The following ROBO2 variants were observed in gnomAD, a reference collection of about 807,000 sequenced individuals.
The protein encoded by ROBO2 is roundabout homolog 2.
A neutral mutation model predicts 160.8 loss-of-function variants in ROBO2; 53 were observed. The ratio of observed to expected loss-of-function variants is 0.33; its 90% CI spans 0.26 to 0.41. ROBO2 has a LOEUF of 0.41. ROBO2 is among the 10% of genes least tolerant of loss of function. The pLI is 1.00. For missense variants in ROBO2, 1,577 were observed against 1,722.4 expected (o/e 0.92, Z 1.49); for synonymous variants, 664 against 611.7 (o/e 1.09, Z -1.26).
At position 77,257,492 on chromosome 3, in the gene ROBO2, C is replaced by A. The variant is rs569656997; in HGVS notation, c.388+159152C>A. On this transcript the variant is annotated intron_variant, in intron 2 of 25. Transcript: ENST00000461745. ...GCGTTATGGACATGAGTAGGGAGCT[C>A]GCATGGTATTTCAAAAAGAGTGATT... Among the ~76,000 whole-genome samples, 24 of 152,158 alleles carry A rather than the reference C, an allele frequency of 1.6e-4. No homozygotes were observed. In the South Asian group the frequency reaches 4.2e-3, roughly 26 times the overall value.
intron 2 of ROBO2, among the ~76,000 whole-genome samples, chr3:76,973,423 T>G (rs1355022187): frequency 6.6e-6 from 1 of 152,118 alleles, no homozygotes; most frequent in African/African-American, 2.4e-5. Flanking sequence ...GAAATCATTA[T>G]AAAGTTCAAG....
At chr3:76,276,901 C>T (rs1377341201) in intron 2 of ROBO2, among the ~76,000 whole-genome samples, 1 of 151,916 alleles carries the variant, frequency 6.6e-6, no homozygotes, top group Non-Finnish European at 1.5e-5. Flanking sequence ...TTTGCATATA[C>T]ATAATGATAT....
At chr3:76,206,174 T>A (rs1331376587) in intron 2 of ROBO2, among the ~76,000 whole-genome samples, 1 of 151,800 alleles carries the variant, frequency 6.6e-6, no homozygotes, top group Non-Finnish European at 1.5e-5. Context: ...CCTTTAGAAC[T>A]TCTTACTTGA....
intron 2 of ROBO2, among the ~76,000 whole-genome samples, chr3:76,936,171 G>T (rs2077687985): frequency 6.6e-6 from 1 of 151,666 alleles, no homozygotes; most frequent in Non-Finnish European, 1.5e-5. Flanking sequence ...AGAAGCTATA[G>T]ACATGAAAAA....
At chr3:76,798,251 AGAAAGAAG>A (rs1322533267) in intron 2 of ROBO2, among the ~76,000 whole-genome samples, 177 of 126,440 alleles carry the variant, frequency 1.4e-3, no homozygotes, top group South Asian at 4.6e-3. Context: ...AAAAGAAGAA[AGAAAGAAG>A]GAAAGAAAGA....
At chr3:76,753,774 C>T (rs1368138372) in intron 2 of ROBO2, among the ~76,000 whole-genome samples, 1 of 151,848 alleles carries the variant, frequency 6.6e-6, no homozygotes, top group Admixed American at 6.6e-5. Flanking sequence ...AATTATATGA[C>T]TGTAACCAGT....
chr3:76,961,261 A>AAAAC (rs2079638151), intron 2 of ROBO2, among the ~76,000 whole-genome samples: 3 of 151,680 alleles, frequency 2.0e-5, no homozygotes, highest in African/African-American at 7.3e-5. Context: ...AAAAAAAAAA[A>AAAAC]AAAAAAACAC....
chr3:77,292,598 A>G (rs1450261170), intron 2 of ROBO2, among the ~76,000 whole-genome samples: 1 of 150,780 alleles, frequency 6.6e-6, no homozygotes, highest in African/African-American at 2.4e-5. Context: ...AGGCCAGATC[A>G]CCCCAGACAT....
intron 2 of ROBO2, among the ~76,000 whole-genome samples, chr3:76,329,140 A>T (rs2073279779): frequency 6.6e-6 from 1 of 151,678 alleles, no homozygotes; most frequent in Admixed American, 6.6e-5. Flanking sequence ...CACTTCACCT[A>T]CCCCAAGTCC....
At chr3:77,311,817 T>A (rs1351663753) in intron 2 of ROBO2, among the ~76,000 whole-genome samples, 1 of 152,176 alleles carries the variant, frequency 6.6e-6, no homozygotes, top group Non-Finnish European at 1.5e-5. Flanking sequence ...CCGGGCGCAG[T>A]GGGTCACGCC....
At chr3:76,515,427 A>G (rs1236092094) in intron 2 of ROBO2, among the ~76,000 whole-genome samples, 1 of 152,124 alleles carries the variant, frequency 6.6e-6, no homozygotes, top group African/African-American at 2.4e-5. Context: ...AGAAACTGGA[A>G]TATAGTACAT....
At chr3:77,224,630 T>G (rs559115900) in intron 2 of ROBO2, among the ~76,000 whole-genome samples, 66 of 148,594 alleles carry the variant, frequency 4.4e-4, no homozygotes, top group Non-Finnish European at 8.9e-4. Flanking sequence ...TGTGTTTCTT[T>G]GTTTGTTTGT....
intron 2 of ROBO2, among the ~76,000 whole-genome samples, chr3:76,260,723 G>A (rs1353656951): frequency 1.3e-5 from 2 of 152,092 alleles, no homozygotes; most frequent in Non-Finnish European, 2.9e-5. Context: ...AGAGAGCACA[G>A]TTAGTTCAAA....
At chr3:76,039,672 GGAA>G (rs965253451) in intron 2 of ROBO2, among the ~76,000 whole-genome samples, 1 of 152,010 alleles carries the variant, frequency 6.6e-6, no homozygotes, top group Admixed American at 6.5e-5. Flanking sequence ...TGACTAATAA[GGAA>G]GAAGGAGTTC....
At chr3:77,403,282 G>A (rs1263837592) in intron 2 of ROBO2, among the ~76,000 whole-genome samples, 2 of 152,032 alleles carry the variant, frequency 1.3e-5, no homozygotes, top group East Asian at 1.9e-4. Context: ...ATTAACTATG[G>A]TCACTATACT....
intron 2 of ROBO2, among the ~76,000 whole-genome samples, chr3:76,966,569 A>T (rs566423693): frequency 2.6e-5 from 4 of 152,218 alleles, no homozygotes; most frequent in Non-Finnish European, 4.4e-5. Flanking sequence ...ACGAATGTAT[A>T]ACTTAATGGG....
At chr3:77,258,732 A>G (rs2058588045) in intron 2 of ROBO2, among the ~76,000 whole-genome samples, 1 of 152,132 alleles carries the variant, frequency 6.6e-6, no homozygotes, top group Non-Finnish European at 1.5e-5. Context: ...TTCAAAGTCT[A>G]GCATCAAGGC....
intron 2 of ROBO2, among the ~76,000 whole-genome samples, chr3:76,238,697 T>C (rs1280689946): frequency 6.8e-6 from 1 of 147,980 alleles, no homozygotes; most frequent in Non-Finnish European, 1.5e-5. Context: ...TCTAATCAAC[T>C]CCCCCCAGGT....
chr3:77,281,368 A>G (rs943466950), intron 2 of ROBO2, among the ~76,000 whole-genome samples: 12 of 152,198 alleles, frequency 7.9e-5, no homozygotes, highest in African/African-American at 2.9e-4. Context: ...CAAAAACAAA[A>G]GGACAAAAGG....
Sources: gnomAD v4.1 joint callset for allele counts (sites outside exome capture counted in the v4.1 genomes callset) on GRCh38, gnomAD v4.1.1 for gene constraint, MANE v1.5 for transcripts, NCBI Gene and HGNC (gene_info 2026-07-23, HGNC 2026-07-21) for gene names.